The following THSD7B variants were observed in gnomAD, a reference collection of about 807,000 sequenced individuals.
The protein encoded by THSD7B is thrombospondin type-1 domain-containing protein 7B.
In THSD7B, 138 loss-of-function variants were observed where a neutral mutation model predicts 213.6. That is an observed-to-expected ratio of 0.65 (90% CI 0.56 to 0.74). THSD7B has a LOEUF of 0.74. Among genes scored for constraint, THSD7B ranks in the 30% least tolerant of loss-of-function variants. The pLI, the probability that THSD7B is intolerant of heterozygous loss-of-function variation, is 0.00. For synonymous variants in THSD7B, 742 were observed against 687.0 expected (o/e 1.08, Z -1.25); for missense variants, 1,931 against 1,991.5 (o/e 0.97, Z 0.58).
At chr2:136,813,477 T>C (rs1466359537) in intron 1 of THSD7B, among the ~76,000 whole-genome samples, 1 of 144,598 alleles carries the variant, frequency 6.9e-6, no homozygotes, top group Non-Finnish European at 1.5e-5. Flanking sequence ...ACACACAGAA[T>C]TGACAAATGG....
chr2:137,479,456 A>G, intron 15 of THSD7B: 1 of 390,868 alleles, frequency 2.6e-6, no homozygotes. Flanking sequence ...GGATGGAGTG[A>G]TCTTCAGGTC....
chr2:137,470,059 C>A (rs1235047428), intron 15 of THSD7B, among the ~76,000 whole-genome samples: 1 of 152,100 alleles, frequency 6.6e-6, no homozygotes, highest in Non-Finnish European at 1.5e-5. Flanking sequence ...ATCTAGAAGA[C>A]TATTTGAAGG....
At chr2:137,247,013 A>T (rs1355945254) in intron 10 of THSD7B, among the ~76,000 whole-genome samples, 1 of 152,182 alleles carries the variant, frequency 6.6e-6, no homozygotes, top group African/African-American at 2.4e-5. Context: ...GAAGGATGAG[A>T]AACACTCATT....
At chr2:137,081,364 C>G (rs35372345) in intron 3 of THSD7B, among the ~76,000 whole-genome samples, 14,195 of 152,058 alleles carry the variant, frequency 0.093, 881 homozygotes, top group African/African-American at 0.18. Context: ...TTTACTTTCT[C>G]TAATCTACTT....
intron 15 of THSD7B, among the ~76,000 whole-genome samples, chr2:137,551,752 G>T (rs865927067): frequency 2.0e-5 from 3 of 152,070 alleles, no homozygotes; most frequent in Admixed American, 6.6e-5. Context: ...CAAACCAGGC[G>T]TGATGGGAAG....
At chr2:137,666,875 T>C (rs1683458351) in intron 26 of THSD7B, among the ~76,000 whole-genome samples, 1 of 152,124 alleles carries the variant, frequency 6.6e-6, no homozygotes, top group African/African-American at 2.4e-5. Flanking sequence ...TTAAAATATA[T>C]GGTTGATTCA....
chr2:137,102,852 G>A (rs1424262735), intron 4 of THSD7B, among the ~76,000 whole-genome samples: 1 of 152,136 alleles, frequency 6.6e-6, no homozygotes, highest in African/African-American at 2.4e-5. Flanking sequence ...GCATGAAAAG[G>A]AAAGAACAAA....
intron 20 of THSD7B, among the ~76,000 whole-genome samples, chr2:137,632,318 C>T (rs771728879): frequency 2.0e-5 from 3 of 152,184 alleles, no homozygotes; most frequent in African/African-American, 7.2e-5. Context: ...TTTAAACCTT[C>T]TAAATATGTT....
rs1171788914 is a variant in THSD7B, at chr2:137,025,931, A to G, written c.140-30489A>G. Reference sequence around the variant, plus strand: ...CTCCTCTGGACACAAATTTCTGTGCATAATCTTTTTGTCACATAAAGAATA... The same window carrying G: ...CTCCTCTGGACACAAATTTCTGTGCGTAATCTTTTTGTCACATAAAGAATA... On this transcript the variant is annotated intron_variant, in intron 2 of 27. Transcript: ENST00000409968. Among the ~76,000 whole-genome samples the G allele has an allele frequency of 2.0e-5, 3 of 152,290 alleles. No individual in the cohort carries two copies. The East Asian group carries it at 5.8e-4, about 29-fold the overall frequency.
intron 10 of THSD7B, among the ~76,000 whole-genome samples, chr2:137,254,765 A>AT (rs977639620): frequency 6.6e-6 from 1 of 152,020 alleles, no homozygotes; most frequent in African/African-American, 2.4e-5. Flanking sequence ...TCCATTATGT[A>AT]TTTTTTCTAC....
chr2:136,844,244 G>T (rs1682964136), intron 1 of THSD7B, among the ~76,000 whole-genome samples: 1 of 152,108 alleles, frequency 6.6e-6, no homozygotes, highest in African/African-American at 2.4e-5. Context: ...GCCAATCAGT[G>T]GACAATGTGG....
chr2:137,188,933 G>A (rs78805049), intron 7 of THSD7B, among the ~76,000 whole-genome samples: 1,630 of 152,176 alleles, frequency 0.011, 36 homozygotes, highest in African/African-American at 0.037. Flanking sequence ...CATTTACCCC[G>A]GTTTGCTCAG....
At chr2:136,850,508 G>T (rs1324144752) in intron 1 of THSD7B, among the ~76,000 whole-genome samples, 1 of 151,902 alleles carries the variant, frequency 6.6e-6, no homozygotes, top group Non-Finnish European at 1.5e-5. Context: ...TTGTTCTGGT[G>T]ACTCTACCAT....
At chr2:137,325,637 G>A (rs1462497917) in intron 12 of THSD7B, among the ~76,000 whole-genome samples, 2 of 152,048 alleles carry the variant, frequency 1.3e-5, no homozygotes, top group Admixed American at 1.3e-4. Flanking sequence ...CACAGTGCCC[G>A]ATACTCTACC....
chr2:137,289,285 T>TAA (rs879697629), intron 12 of THSD7B, among the ~76,000 whole-genome samples: 1 of 141,482 alleles, frequency 7.1e-6, no homozygotes. Flanking sequence ...AATCCTCAAT[T>TAA]AAAAAAAAAA....
chr2:137,289,206 G>C (rs1159880658), intron 12 of THSD7B, among the ~76,000 whole-genome samples: 1 of 151,626 alleles, frequency 6.6e-6, no homozygotes, highest in African/African-American at 2.4e-5. Flanking sequence ...TTAGTGGAGA[G>C]ATTCATTGTT....
chr2:137,475,463 C>T (rs914830890), intron 15 of THSD7B, among the ~76,000 whole-genome samples: 3 of 152,072 alleles, frequency 2.0e-5, no homozygotes, highest in Admixed American at 6.6e-5. Context: ...ATCCACTAAC[C>T]AACCTCTCTT....
chr2:136,970,364 G>T (rs1573740957), intron 2 of THSD7B, among the ~76,000 whole-genome samples: 1 of 152,240 alleles, frequency 6.6e-6, no homozygotes, highest in African/African-American at 2.4e-5. Context: ...TCCTTGGGAG[G>T]TTGAGGCACA....
chr2:137,594,435 G>A (rs112435208), intron 17 of THSD7B, among the ~76,000 whole-genome samples: 7 of 151,950 alleles, frequency 4.6e-5, no homozygotes, highest in Non-Finnish European at 7.4e-5. Flanking sequence ...TCTGAATGTG[G>A]CACCAATGTT....
Sources: gnomAD v4.1 joint callset for allele counts (sites outside exome capture counted in the v4.1 genomes callset) on GRCh38, gnomAD v4.1.1 for gene constraint, MANE v1.5 for transcripts, NCBI Gene and HGNC (gene_info 2026-07-23, HGNC 2026-07-21) for gene names.